Variants in ANO1 observed in about 807,000 individuals in gnomAD.
The protein encoded by ANO1 is anoctamin-1.
In ANO1, 59 loss-of-function variants were observed where a neutral mutation model predicts 124.0. That is an observed-to-expected ratio of 0.48 (90% CI 0.39 to 0.59). The LOEUF (loss-of-function observed/expected upper bound fraction) is 0.59, where lower values mean the gene tolerates loss of function less well. Among genes scored for constraint, ANO1 ranks in the 20% least tolerant of loss-of-function variants. The probability of loss-of-function intolerance (pLI) is 0.00; values close to 1 mark genes in which losing one functional copy is unlikely to be tolerated. For missense variants in ANO1, 1,059 were observed against 1,328.0 expected, an observed-to-expected ratio of 0.80 and a Z score of 3.15; for synonymous variants, 529 against 532.0, an observed-to-expected ratio of 0.99 and a Z score of 0.08.
At chr11:70,020,303 T>C (rs1322778523) in intron 1 of ANO1, among the ~76,000 whole-genome samples, 3 of 152,076 alleles carry the variant, frequency 2.0e-5, no homozygotes, top group African/African-American at 7.2e-5. Context: ...ACACCCTTCT[T>C]CCATCCTCAC....
intron 1 of ANO1, among the ~76,000 whole-genome samples, chr11:70,010,168 C>CGTGTGTGT (rs1182713351): frequency 0.068 from 4,738 of 70,152 alleles, 459 homozygotes; most frequent in African/African-American, 0.074. Flanking sequence ...TGTGTGTGCG[C>CGTGTGTGT]GTGTGTGTGT....
At chr11:70,027,539 T>C (rs1555003363) in intron 1 of ANO1, among the ~76,000 whole-genome samples, 4 of 152,228 alleles carry the variant, frequency 2.6e-5, no homozygotes, top group Non-Finnish European at 5.9e-5. Flanking sequence ...TGGCTTTTCA[T>C]TCATCAAACT....
intron 12 of ANO1, 79 bp downstream of exon 12, chr11:70,149,871 G>A (rs765873060): frequency 7.5e-5 from 112 of 1,490,786 alleles, no homozygotes; most frequent in Non-Finnish European, 9.6e-5. Flanking sequence ...GGACTTACAC[G>A]GAGGCCCGAG....
chr11:70,027,178 G>T (rs1856922580), intron 1 of ANO1, among the ~76,000 whole-genome samples: 1 of 152,160 alleles, frequency 6.6e-6, no homozygotes, highest in African/African-American at 2.4e-5. Context: ...TTATGATGGG[G>T]TTACAGCTCA....
chr11:70,172,326 A>G (rs1026915730), intron 22 of ANO1, among the ~76,000 whole-genome samples: 2 of 152,104 alleles, frequency 1.3e-5, no homozygotes, highest in African/African-American at 4.8e-5. Flanking sequence ...CCATCACAGG[A>G]AGGGTGATCC....
At chr11:70,144,985 G>A (rs2047305022) in intron 11 of ANO1, among the ~76,000 whole-genome samples, 1 of 152,216 alleles carries the variant, frequency 6.6e-6, no homozygotes, top group South Asian at 2.1e-4. Flanking sequence ...CCTGGCAGCA[G>A]CTGGGTATTA....
intron 13 of ANO1, among the ~76,000 whole-genome samples, chr11:70,152,691 C>T (rs556332583): frequency 4.6e-5 from 7 of 152,238 alleles, no homozygotes; most frequent in East Asian, 1.9e-4. Flanking sequence ...GGGCTTCCTG[C>T]GCTTGCCGAC....
chr11:70,124,710 G>T (rs2046424242), intron 9 of ANO1, among the ~76,000 whole-genome samples: 1 of 152,162 alleles, frequency 6.6e-6, no homozygotes, highest in Admixed American at 6.5e-5. Flanking sequence ...TTCCGGATTT[G>T]AGACGTGGAG....
the ANO1 span, among the ~76,000 whole-genome samples, chr11:69,966,439 T>C: frequency 6.6e-6 from 1 of 152,158 alleles, no homozygotes; most frequent in Admixed American, 6.5e-5. Context: ...TTGCAAAATT[T>C]GGGAGCAGCC....
intron 1 of ANO1, among the ~76,000 whole-genome samples, chr11:70,040,947 C>T (rs1465584827): frequency 6.6e-6 from 1 of 152,194 alleles, no homozygotes; most frequent in African/African-American, 2.4e-5. Flanking sequence ...ACTTTCTAAG[C>T]ATCATAGCTC....
intron 20 of ANO1, among the ~76,000 whole-genome samples, chr11:70,166,175 G>A (rs979300473): frequency 1.3e-5 from 2 of 149,824 alleles, no homozygotes; most frequent in African/African-American, 2.5e-5. Context: ...AAAATTAGCC[G>A]GGCGTGGTGG....
Position 70,170,954 on chromosome 11 carries a change from GAAC to G in ANO1, c.2270_2272del (p.Asn757del), listed in dbSNP as rs1476423581. 2 of 1,613,448 alleles carry G rather than the reference GAAC, an allele frequency of 1.2e-6. No individual in the cohort carries two copies. The highest frequency in any genetic ancestry group is 1.7e-6 in the Non-Finnish European group (2 of 1,179,706). On this transcript the variant is annotated inframe_deletion, in exon 22 of 26. Transcript: ENST00000355303. The stretch of plus-strand genomic sequence containing the variant: ...CCCTGGCCCCACTGTTTGCGCTGCT[GAAC>G]AACATCATCGAGATCCGCCTGGACG...
At chr11:69,999,649 G>C (rs4980716) in intron 1 of ANO1, among the ~76,000 whole-genome samples, 1 of 151,786 alleles carries the variant, frequency 6.6e-6, no homozygotes, top group Non-Finnish European at 1.5e-5. Flanking sequence ...AGGGGAAAAG[G>C]GCCATGTCTC....
At chr11:70,000,464 A>AT (rs1469565807) in intron 1 of ANO1, among the ~76,000 whole-genome samples, 1 of 148,842 alleles carries the variant, frequency 6.7e-6, no homozygotes, top group Non-Finnish European at 1.5e-5. Flanking sequence ...CCACCCTGAG[A>AT]TTACCATCAT....
intron 16 of ANO1, among the ~76,000 whole-genome samples, chr11:70,157,366 CAAAAAAAA>C (rs529445782): frequency 1.0e-5 from 1 of 98,112 alleles, no homozygotes; most frequent in South Asian, 3.7e-4. Flanking sequence ...GACTCTGTCT[CAAAAAAAA>C]AAAAAAAAAA....
intron 1 of ANO1, among the ~76,000 whole-genome samples, chr11:70,051,373 G>A (rs898674183): frequency 6.6e-5 from 10 of 152,188 alleles, no homozygotes; most frequent in Admixed American, 5.9e-4. Flanking sequence ...GAGCATTTGG[G>A]TTGTTTCCAG....
intron 2 of ANO1, among the ~76,000 whole-genome samples, chr11:70,101,585 CA>C (rs71463659): frequency 3.7e-3 from 282 of 75,894 alleles, no homozygotes; most frequent in African/African-American, 6.6e-3. Flanking sequence ...GATTAAAAAC[CA>C]AAAAAAAAAA....
intron 1 of ANO1, chr11:70,064,764 A>T (rs1388106224): frequency 1.3e-5 from 2 of 152,202 alleles, no homozygotes; most frequent in African/African-American, 4.8e-5. Context: ...AAAGTCATTT[A>T]TACTTTAGTA....
chr11:70,057,233 T>C (rs1351846130), intron 1 of ANO1, among the ~76,000 whole-genome samples: 1 of 152,234 alleles, frequency 6.6e-6, no homozygotes, highest in African/African-American at 2.4e-5. Context: ...AGGCTCCAGA[T>C]GATGTTCTCT....
Sources: allele counts gnomAD v4.1 joint callset (sites outside exome capture counted in the v4.1 genomes callset), GRCh38; gene constraint gnomAD v4.1.1; transcripts MANE v1.5; gene names NCBI Gene and HGNC (gene_info 2026-07-23, HGNC 2026-07-21).